GYS1: variants seen among roughly 807,000 people sequenced by gnomAD.
GYS1 encodes the protein glycogen [starch] synthase, muscle.
GYS1 carries 60 observed loss-of-function variants against 89.1 expected under a neutral mutation model. The observed-to-expected ratio is 0.67, with a 90% CI of 0.55 to 0.84. GYS1 has a LOEUF of 0.84. Ranked by LOEUF, GYS1 falls within the 40% of genes least tolerant of loss-of-function variation. The probability of loss-of-function intolerance (pLI) is 0.00; values close to 1 mark genes in which losing one functional copy is unlikely to be tolerated. For synonymous variants in GYS1, 366 were observed against 401.7 expected (o/e 0.91, Z 1.06); for missense variants, 888 against 1,003.1 (o/e 0.89, Z 1.55).
At position 48,984,833 on chromosome 19, in the gene GYS1, A is replaced by G. The variant is rs548265519; in HGVS notation, c.823+628T>C. The stretch of plus-strand genomic sequence containing the variant: ...GAGGCGGAGCTTACAGTGAGCCAAG[A>G]TAGCGCCACTGCACTCCAGCCTGGG... On this transcript the variant is annotated intron_variant, in intron 5 of 15. Coordinates refer to ENST00000323798, the MANE Select transcript of GYS1 (RefSeq NM_002103.5). Among the ~76,000 whole-genome samples the G allele has an allele frequency of 7.2e-5, 11 of 152,144 alleles. No individual in the cohort carries two copies. In the East Asian group the frequency reaches 2.1e-3, roughly 30 times the overall value.
intron 8 of GYS1, among the ~76,000 whole-genome samples, chr19:48,979,362 T>C (rs867816691): frequency 0.43 from 40,551 of 95,304 alleles, 7,686 homozygotes; most frequent in Middle Eastern, 0.56. Flanking sequence ...TTTTTTTTTT[T>C]TTTTTTTTTT....
intron 1 of GYS1, among the ~76,000 whole-genome samples, chr19:48,992,139 T>C (rs1196107657): frequency 4.6e-5 from 7 of 151,908 alleles, no homozygotes; most frequent in Non-Finnish European, 1.0e-4. Flanking sequence ...GCCCTGGCGA[T>C]ACCCGGCTGG....
intron 5 of GYS1, among the ~76,000 whole-genome samples, chr19:48,983,615 C>A (rs1018741063): frequency 6.6e-6 from 1 of 152,184 alleles, no homozygotes; most frequent in African/African-American, 2.4e-5. Context: ...CCCATCAGCG[C>A]CTAGGGCAAA....
rs1378527764 is a variant in GYS1, at chr19:48,969,081, C to A, written c.*207G>T. On this transcript the variant is annotated 3_prime_UTR_variant, in exon 16 of 16. Coordinates refer to ENST00000323798, the MANE Select transcript of GYS1 (RefSeq NM_002103.5). ...GGCGCTGATTATGCATATTCTGGAG[C>A]CAGAGAAAGGCACGGCTTTGTGGAT... The A allele has an allele frequency of 7.8e-6, 5 of 638,514 alleles. No homozygotes were observed. The highest frequency in any genetic ancestry group is 1.1e-5 in the Non-Finnish European group (4 of 359,974). 39.6% of individuals were successfully genotyped at this position (638,514 alleles called of 1,614,324 possible).
Position 48,968,707 on chromosome 19 carries a change from C to G in GYS1, c.*581G>C. 2.2e-6 allele frequency: 1 copy of G among 454,128 alleles called. No homozygotes were observed. The highest frequency in any genetic ancestry group is 4.4e-6 in the Non-Finnish European group (1 of 226,802). The allele number at this position is 454,128 out of a possible 1,614,324, so 28.1% of individuals were successfully genotyped here. ...GAGGGATCCTCCAGGCAGAGCCTGGCTCTGACATGCCAGGGAGGGCTAGAA... is the reference window on the plus strand; with the variant it reads ...GAGGGATCCTCCAGGCAGAGCCTGGGTCTGACATGCCAGGGAGGGCTAGAA... On this transcript the variant is annotated 3_prime_UTR_variant, in exon 16 of 16. Transcript: ENST00000323798.
At chr19:48,981,662 G>A in intron 7 of GYS1, 26 bp from the exon 8 acceptor site, 1 of 1,371,858 alleles carries the variant, frequency 7.3e-7, no homozygotes, top group Non-Finnish European at 1.0e-6. Flanking sequence ...GGAGGGGGAG[G>A]CCAGGATCAT....
chr19:48,982,505 G>T, intron 6 of GYS1, 130 bp from the exon 7 acceptor site: 2 of 1,022,498 alleles, frequency 2.0e-6, no homozygotes, highest in Non-Finnish European at 3.0e-6. Context: ...GCATCACGGG[G>T]CCTCCTGGGA....
At chr19:48,978,610 C>T (rs189949078) in intron 8 of GYS1, among the ~76,000 whole-genome samples, 2 of 151,608 alleles carry the variant, frequency 1.3e-5, no homozygotes, top group Admixed American at 6.6e-5. Flanking sequence ...TGGCTCACTG[C>T]AACCTCTGCC....
At position 48,970,751 on chromosome 19, in the gene GYS1, G is replaced by C. The variant is rs771996063; in HGVS notation, c.1646-42C>G. ...CCAGGTTCAGAAAACATCCTGGGGA[G>C]ATCTTCATGGTCTCCAGGACTCTGT... On this transcript the variant is annotated intron_variant, in intron 13 of 15. Coordinates refer to ENST00000323798, the MANE Select transcript of GYS1 (RefSeq NM_002103.5). 1.7e-5 allele frequency: 27 copies of C among 1,588,088 alleles called. No individual in the cohort carries two copies. The Middle Eastern group carries it at 6.9e-4, about 40-fold the overall frequency.
At position 48,976,955 on chromosome 19, in the gene GYS1, A is replaced by G. The variant is rs565415752; in HGVS notation, c.1308+969T>C. Among the ~76,000 whole-genome samples the G allele has an allele frequency of 2.0e-5, 3 of 151,830 alleles. No individual in the cohort carries two copies. The East Asian group carries it at 5.8e-4, about 29-fold the overall frequency. On this transcript the variant is annotated intron_variant, in intron 10 of 15. Transcript: ENST00000323798. ...AGGTGTATGCCACTATGCCCAGCTC[A>G]TTTTTGTATTTTTGGTAGAGACAGG...
intron 2 of GYS1, among the ~76,000 whole-genome samples, chr19:48,988,724 T>C (rs7255204): frequency 0.012 from 1,842 of 152,148 alleles, 33 homozygotes; most frequent in African/African-American, 0.037. Flanking sequence ...AAGCAATCCT[T>C]CCACCGCAGC....
At chr19:48,971,115 G>T in intron 12 of GYS1, 92 bp from the exon 13 acceptor site, 1 of 870,810 alleles carries the variant, frequency 1.1e-6, no homozygotes, top group Non-Finnish European at 2.0e-6. Flanking sequence ...CTCTACTGGC[G>T]CCTGTACCAA....
At chr19:48,989,035 CCTTCCTTCCTTG>C (rs1263059439) in intron 2 of GYS1, among the ~76,000 whole-genome samples, 3 of 152,064 alleles carry the variant, frequency 2.0e-5, no homozygotes, top group African/African-American at 7.2e-5. Flanking sequence ...CAGCCTCCTT[CCTTCCTTCCTTG>C]CTTCCTTCCT....
chr19:48,987,493 C>T, intron 2 of GYS1, 108 bp from the exon 3 acceptor site: 1 of 787,122 alleles, frequency 1.3e-6, no homozygotes, highest in South Asian at 1.9e-5. Context: ...AGACTTAAGC[C>T]TCAGCTCTCT....
Position 48,986,025 on chromosome 19 carries a change from T to C in GYS1, c.503A>G (p.Gln168Arg), listed in dbSNP as rs753511862. 2.5e-5 allele frequency: 41 copies of C among 1,613,968 alleles called. No homozygotes were observed. The highest frequency in any genetic ancestry group is 3.4e-5 in the Non-Finnish European group (40 of 1,180,018). ...AACCACATGTGGCTTCTCCTCACTCTGTGCCAGGAACTGTGGGCAACAGGG... is the reference window on the plus strand; with the variant it reads ...AACCACATGTGGCTTCTCCTCACTCCGTGCCAGGAACTGTGGGCAACAGGG... ...TTWFLGEFLAQSEEKPHVVAH... is the reference protein window; with the variant it reads ...TTWFLGEFLARSEEKPHVVAH... The change falls in exon 4 of 16, where the codon CAG becomes CGG. Residue 168 changes from glutamine (Q) to arginine (R), a missense_variant. Coordinates refer to ENST00000323798, the MANE Select transcript of GYS1 (RefSeq NM_002103.5).
Position 48,977,981 on chromosome 19 carries a change from G to C in GYS1, c.1251C>G (p.Asn417Lys), listed in dbSNP as rs765117234. The C allele has an allele frequency of 1.9e-6, 3 of 1,613,934 alleles. No individual in the cohort carries two copies. The highest frequency in any genetic ancestry group is 8.5e-7 in the Non-Finnish European group (1 of 1,179,912). ...SLLVGSLPDMNKMLDKEDFTM... is the reference protein window; with the variant it reads ...SLLVGSLPDMKKMLDKEDFTM... ...TGAAGTCTTCCTTATCCAGCATCTT[G>C]TTCATGTCGGGAAGGCTCCCACTGC... Residue 417 changes from asparagine to lysine, a missense_variant, in exon 10 of 16, where the codon AAC becomes AAG. By Grantham distance (94) the Asn-to-Lys change is moderately conservative. Transcript: ENST00000323798.
At position 48,991,497 on chromosome 19, in the gene GYS1, C is replaced by T. The variant is rs544059582; in HGVS notation, c.119-14G>A. On this transcript the variant is annotated splice_polypyrimidine_tract_variant and intron_variant, in intron 1 of 15. Coordinates refer to ENST00000323798, the MANE Select transcript of GYS1 (RefSeq NM_002103.5). This position sits in a 1 kb window ranked among gnomAD's most constrained non-coding sequence, Gnocchi z 4.7. Reference sequence around the variant, plus strand: ...AGATGCCACCCACTGTGGGCCCAAGCGTGTGAGGGCAGGCCCCGGCCGAGG... The same window carrying T: ...AGATGCCACCCACTGTGGGCCCAAGTGTGTGAGGGCAGGCCCCGGCCGAGG... 21 of 1,439,450 alleles carry T rather than the reference C, an allele frequency of 1.5e-5. No individual in the cohort carries two copies. In the Admixed American group the frequency reaches 1.7e-4, roughly 11 times the overall value. 89.2% of individuals were successfully genotyped at this position (1,439,450 alleles called of 1,614,324 possible). A position where few individuals can be genotyped will look rare whatever the true frequency, so the allele number is the denominator to read the frequency against.
Position 48,990,003 on chromosome 19 carries a change from G to GGCT in GYS1, c.300+1298_300+1299insAGC, listed in dbSNP as rs796205047. Among the ~76,000 whole-genome samples, 5 of 147,740 alleles carry GGCT rather than the reference G, an allele frequency of 3.4e-5. 1 individual carries two copies. Among genetic ancestry groups the GGCT allele is most frequent in the African/African-American group, 1.3e-4 (5 of 38,520 alleles). On this transcript the variant is annotated intron_variant, in intron 2 of 15. Coordinates refer to ENST00000323798, the MANE Select transcript of GYS1 (RefSeq NM_002103.5). ...GCTGTTGTCTGCCCTTTTGCTGGGG[G>GGCT]GGGGGGGGGGCTATTCTTAGGCCCC...
chr19:48,977,347 C>G (rs2038671393), intron 10 of GYS1, among the ~76,000 whole-genome samples: 1 of 152,194 alleles, frequency 6.6e-6, no homozygotes, highest in African/African-American at 2.4e-5. Flanking sequence ...AAACTCAGCA[C>G]TTTGGGAGGC....
Sources: allele counts gnomAD v4.1 joint callset (sites outside exome capture counted in the v4.1 genomes callset), GRCh38; gene constraint gnomAD v4.1.1; non-coding constraint Gnocchi (gnomAD v3.1); transcripts MANE v1.5; gene names NCBI Gene and HGNC (gene_info 2026-07-23, HGNC 2026-07-21).